MAP4K3: variants seen among roughly 807,000 people sequenced by gnomAD.
The protein encoded by MAP4K3 is MAPK/ERK kinase kinase kinase 3.
MAP4K3 carries 94 observed loss-of-function variants against 143.5 expected under a neutral mutation model. That is an observed-to-expected ratio of 0.65 (90% confidence interval 0.55 to 0.78). The LOEUF (loss-of-function observed/expected upper bound fraction) is 0.78, where lower values mean the gene tolerates loss of function less well. Among genes scored for constraint, MAP4K3 ranks in the 30% least tolerant of loss-of-function variants. The pLI is 0.00. For missense variants in MAP4K3, 1,077 were observed against 1,068.1 expected, an observed-to-expected ratio of 1.01 and a Z score of -0.12; for synonymous variants, 416 against 347.2, an observed-to-expected ratio of 1.20 and a Z score of -2.20.
At chr2:39,253,786 C>T (rs1004274177) in intron 32 of MAP4K3, among the ~76,000 whole-genome samples, 1 of 152,184 alleles carries the variant, frequency 6.6e-6, no homozygotes, top group Non-Finnish European at 1.5e-5. Flanking sequence ...ATTTTACGTG[C>T]TTGTAACATT....
At chr2:39,423,765 G>A (rs922677830) in intron 1 of MAP4K3, among the ~76,000 whole-genome samples, 4 of 152,182 alleles carry the variant, frequency 2.6e-5, no homozygotes, top group Non-Finnish European at 4.4e-5. Flanking sequence ...GTTGGGCAGA[G>A]GAGAATGGAA....
intron 2 of MAP4K3, among the ~76,000 whole-genome samples, chr2:39,358,449 C>A (rs1401961209): frequency 6.6e-6 from 1 of 152,128 alleles, no homozygotes; most frequent in Non-Finnish European, 1.5e-5. Context: ...CAATTGTTAG[C>A]ATGTTTTATA....
chr2:39,351,448 T>G (rs1665455100), intron 3 of MAP4K3, among the ~76,000 whole-genome samples: 1 of 152,254 alleles, frequency 6.6e-6, no homozygotes, highest in Non-Finnish European at 1.5e-5. Flanking sequence ...TAGCATATTA[T>G]GTTACGATTA....
chr2:39,267,698 A>T (rs913547148), intron 26 of MAP4K3, among the ~76,000 whole-genome samples: 2 of 126,892 alleles, frequency 1.6e-5, no homozygotes, highest in Non-Finnish European at 3.5e-5. Context: ...AAAAAAAAAA[A>T]TTAAATAAAT....
At chr2:39,314,981 T>A (rs930923316) in intron 13 of MAP4K3, among the ~76,000 whole-genome samples, 1 of 152,228 alleles carries the variant, frequency 6.6e-6, no homozygotes, top group African/African-American at 2.4e-5. Context: ...ATCCCAGGTC[T>A]ACTGAATCTG....
rs1333351399 is a variant in MAP4K3, at chr2:39,367,869, A to G, written c.154+10197T>C. Among the ~76,000 whole-genome samples the G allele has an allele frequency of 2.0e-5, 3 of 152,230 alleles. No individual in the cohort carries two copies. The East Asian group carries it at 5.8e-4, about 29-fold the overall frequency. ...ATACATATATCTGTGCTTTGTACAT[A>G]AAAAGAATTAAGATTTTTTTCATCC... On this transcript the variant is annotated intron_variant, in intron 2 of 33. Transcript: ENST00000263881.
At chr2:39,409,385 C>T (rs989817712) in intron 1 of MAP4K3, among the ~76,000 whole-genome samples, 5 of 152,186 alleles carry the variant, frequency 3.3e-5, no homozygotes, top group Admixed American at 3.3e-4. Flanking sequence ...GCTCCCCTAA[C>T]CTCTCTGTTG....
At chr2:39,305,411 A>T (rs1682666595) in intron 15 of MAP4K3, among the ~76,000 whole-genome samples, 1 of 152,180 alleles carries the variant, frequency 6.6e-6, no homozygotes, top group Admixed American at 6.5e-5. Flanking sequence ...TGCTATTCTT[A>T]GCTAAAGACT....
At chr2:39,401,820 C>T (rs1044460127) in intron 1 of MAP4K3, among the ~76,000 whole-genome samples, 1 of 151,924 alleles carries the variant, frequency 6.6e-6, no homozygotes, top group Non-Finnish European at 1.5e-5. Context: ...CAAATAAATA[C>T]AAGAATCTGT....
At chr2:39,324,621 T>A (rs963938378) in intron 12 of MAP4K3, among the ~76,000 whole-genome samples, 1 of 152,200 alleles carries the variant, frequency 6.6e-6, no homozygotes, top group Admixed American at 6.5e-5. Flanking sequence ...GCCGTCTTTC[T>A]AAACACTTCA....
At chr2:39,346,851 T>C (rs948072099) in intron 3 of MAP4K3, among the ~76,000 whole-genome samples, 1 of 152,102 alleles carries the variant, frequency 6.6e-6, no homozygotes, top group Admixed American at 6.6e-5. Flanking sequence ...GCCTGAGATA[T>C]AAAGGCTCTG....
At chr2:39,261,985 A>T (rs2148441756) in intron 28 of MAP4K3, among the ~76,000 whole-genome samples, 1 of 152,276 alleles carries the variant, frequency 6.6e-6, no homozygotes, top group East Asian at 1.9e-4. Context: ...GGGAATTCTA[A>T]AATTTTTCTT....
intron 27 of MAP4K3, among the ~76,000 whole-genome samples, chr2:39,266,284 A>G (rs1680759711): frequency 6.6e-6 from 1 of 152,098 alleles, no homozygotes; most frequent in South Asian, 2.1e-4. Context: ...GGCCTCAGTC[A>G]TCTCTGACAT....
At chr2:39,358,207 A>G (rs1265716714) in intron 2 of MAP4K3, among the ~76,000 whole-genome samples, 3 of 152,176 alleles carry the variant, frequency 2.0e-5, no homozygotes, top group Non-Finnish European at 4.4e-5. Flanking sequence ...TAACTTCTAC[A>G]GTGATCTTTG....
chr2:39,325,493 G>A (rs764805730), intron 12 of MAP4K3, 25 bp downstream of exon 12: 1 of 1,503,230 alleles, frequency 6.7e-7, no homozygotes, highest in Non-Finnish European at 9.2e-7. Context: ...TGTTATATAT[G>A]CCCGCTGGTA....
In MAP4K3 at chr2:39,274,108, C is replaced by T. The variant is rs78688597; in HGVS notation, c.1795-1566G>A. 8.0e-3 allele frequency among the ~76,000 whole-genome samples: 1,211 copies of T among 152,040 alleles called. 17 individuals carry two copies. The highest frequency in any genetic ancestry group is 0.028 in the African/African-American group (1,161 of 41,468). ...TTTAATATAAACATATATAAAGTAG[C>T]AAGACAAGACACAAATTCCTTTCAT... is the stretch of plus-strand genomic sequence containing the variant. On this transcript the variant is annotated intron_variant, in intron 24 of 33. Transcript: ENST00000263881.
At chr2:39,402,007 ATT>A (rs1293867391) in intron 1 of MAP4K3, among the ~76,000 whole-genome samples, 7 of 152,216 alleles carry the variant, frequency 4.6e-5, no homozygotes, top group Non-Finnish European at 7.3e-5. Flanking sequence ...AATAAAACAG[ATT>A]CAAAAACAGA....
At chr2:39,311,510 C>T (rs984980173) in intron 13 of MAP4K3, among the ~76,000 whole-genome samples, 2 of 152,176 alleles carry the variant, frequency 1.3e-5, no homozygotes, top group Admixed American at 6.5e-5. Context: ...ATTGGATCAG[C>T]GTTGGCTGAT....
chr2:39,298,868 G>T (rs954632647), intron 16 of MAP4K3, among the ~76,000 whole-genome samples: 2 of 151,666 alleles, frequency 1.3e-5, no homozygotes, highest in African/African-American at 2.4e-5. Context: ...GGGAGGCTGG[G>T]GCATGAGAAT....
Sources: allele counts gnomAD v4.1 joint callset (sites outside exome capture counted in the v4.1 genomes callset), GRCh38; gene constraint gnomAD v4.1.1; transcripts MANE v1.5; gene names NCBI Gene and HGNC (gene_info 2026-07-23, HGNC 2026-07-21).